Variants in NSMCE2 observed in about 807,000 individuals in gnomAD.
The protein encoded by NSMCE2 is NSE2 SUMO ligase component of SMC5/6 complex.
In NSMCE2, 24 loss-of-function variants were observed where a neutral mutation model predicts 23.8. The ratio of observed to expected loss-of-function variants is 1.01; its 90% CI spans 0.73 to 1.42. NSMCE2 has a LOEUF of 1.42. Among genes scored for constraint, NSMCE2 ranks in the 40% most tolerant of loss-of-function variants. The pLI, the probability that NSMCE2 is intolerant of heterozygous loss-of-function variation, is 0.00. For synonymous variants in NSMCE2, 92 were observed against 94.1 expected (o/e 0.98, Z 0.13); for missense variants, 284 against 296.5 (o/e 0.96, Z 0.31).
intron 5 of NSMCE2, among the ~76,000 whole-genome samples, chr8:125,193,971 A>C (rs1222272303): frequency 2.0e-5 from 3 of 152,158 alleles, no homozygotes; most frequent in Admixed American, 1.3e-4. Context: ...AGAAAGTGTT[A>C]GTGGTTCTTG....
chr8:125,183,438 A>T (rs1186596366), intron 5 of NSMCE2, among the ~76,000 whole-genome samples: 1 of 152,022 alleles, frequency 6.6e-6, no homozygotes, highest in Non-Finnish European at 1.5e-5. Flanking sequence ...AGCTCCCAAC[A>T]TTCTTCTAAT....
chr8:125,253,684 A>T (rs957294772), intron 5 of NSMCE2, among the ~76,000 whole-genome samples: 2 of 152,206 alleles, frequency 1.3e-5, no homozygotes, highest in East Asian at 3.8e-4. Context: ...ACTTATCTTT[A>T]TATGGAATTG....
chr8:125,331,086 G>A lies in NSMCE2; in HGVS notation c.419-26133G>A, dbSNP rs180732264. Among the ~76,000 whole-genome samples, 259 of 152,280 alleles carry A rather than the reference G, an allele frequency of 1.7e-3. 6 individuals carry two copies. The East Asian group carries it at 0.047, about 28-fold the overall frequency. ...GGAGGCTGAGGCAGGCGGATCACGAGGTCAAGAGATCGAGACCATCCTGGC... is the reference window on the plus strand; with the variant it reads ...GGAGGCTGAGGCAGGCGGATCACGAAGTCAAGAGATCGAGACCATCCTGGC... On this transcript the variant is annotated intron_variant, in intron 5 of 7. Coordinates refer to ENST00000287437, the MANE Select transcript of NSMCE2 (RefSeq NM_173685.4).
At position 125,178,912 on chromosome 8, in the gene NSMCE2, A is replaced by C. The variant is rs184947901; in HGVS notation, c.265-3191A>C. 7.3e-4 allele frequency among the ~76,000 whole-genome samples: 111 copies of C among 152,316 alleles called. 5 individuals carry two copies. In the East Asian group the frequency reaches 0.018, roughly 25 times the overall value. The stretch of plus-strand genomic sequence containing the variant: ...TCATTAAGTTAAAATGAGGTCAGTA[A>C]GTGGGCCTTAATCCAATATGACTGA... On this transcript the variant is annotated intron_variant, in intron 4 of 7. Transcript: ENST00000287437.
intron 3 of NSMCE2, among the ~76,000 whole-genome samples, chr8:125,116,709 G>A (rs1366616941): frequency 6.6e-6 from 1 of 152,088 alleles, no homozygotes; most frequent in African/African-American, 2.4e-5. Flanking sequence ...GATGTTACCT[G>A]TCATGGAGTC....
chr8:125,313,562 A>G (rs138589998), intron 5 of NSMCE2, among the ~76,000 whole-genome samples: 66 of 152,314 alleles, frequency 4.3e-4, no homozygotes, highest in African/African-American at 1.4e-3. Context: ...GGACCTCACG[A>G]CTTGCCAGCT....
rs151128277 is a variant in NSMCE2, at chr8:125,117,550, T to C, written c.157+15063T>C. On this transcript the variant is annotated intron_variant, in intron 3 of 7. Transcript: ENST00000287437. ...TATACCTTTTTTATTTTTATTTTATTTTTTTAAGAGATGGGGTCTTACTCT... is the reference window on the plus strand; with the variant it reads ...TATACCTTTTTTATTTTTATTTTATCTTTTTAAGAGATGGGGTCTTACTCT... Among the ~76,000 whole-genome samples the C allele has an allele frequency of 5.8e-3, 882 of 152,284 alleles. 6 individuals are homozygous for C. Among genetic ancestry groups the C allele is most frequent in the African/African-American group, 0.02 (841 of 41,558 alleles).
chr8:125,138,290 C>A (rs1385879596), intron 3 of NSMCE2, among the ~76,000 whole-genome samples: 2 of 152,176 alleles, frequency 1.3e-5, no homozygotes, highest in East Asian at 3.9e-4. Flanking sequence ...GTGGTATGAT[C>A]ATAGCTGACT....
rs377227797 is a variant in NSMCE2, at chr8:125,161,554, T to C, written c.264+10277T>C. On this transcript the variant is annotated intron_variant, in intron 4 of 7. Coordinates refer to ENST00000287437, the MANE Select transcript of NSMCE2 (RefSeq NM_173685.4). Reference sequence around the variant, plus strand: ...GGCTCACACCTGTAATTCCAGCACTTTGGGAGGCTGAGGCGGTTGGATCAT... The same window carrying C: ...GGCTCACACCTGTAATTCCAGCACTCTGGGAGGCTGAGGCGGTTGGATCAT... Among the ~76,000 whole-genome samples the C allele has an allele frequency of 2.6e-5, 4 of 152,222 alleles. No individual in the cohort carries two copies. In the East Asian group the frequency reaches 5.8e-4, roughly 22 times the overall value.
intron 5 of NSMCE2, among the ~76,000 whole-genome samples, chr8:125,204,175 G>A (rs1824006859): frequency 1.3e-5 from 2 of 152,192 alleles, no homozygotes; most frequent in Admixed American, 1.3e-4. Flanking sequence ...AATATTTCAT[G>A]ACAAATACTT....
intron 5 of NSMCE2, among the ~76,000 whole-genome samples, chr8:125,320,861 T>A (rs938429284): frequency 1.3e-5 from 2 of 152,212 alleles, no homozygotes; most frequent in Non-Finnish European, 2.9e-5. Flanking sequence ...GGCTCACAGT[T>A]CAGTGGGCTG....
intron 5 of NSMCE2, among the ~76,000 whole-genome samples, chr8:125,224,899 T>C (rs1021111329): frequency 2.6e-5 from 4 of 152,182 alleles, no homozygotes; most frequent in South Asian, 2.1e-4. Context: ...TCTTGTTGAT[T>C]GACTTTATTG....
intron 5 of NSMCE2, among the ~76,000 whole-genome samples, chr8:125,298,688 T>TTTTTTG (rs1563770260): frequency 1.6e-5 from 1 of 62,512 alleles, no homozygotes; most frequent in Non-Finnish European, 3.3e-5. Flanking sequence ...CATCTGTGGG[T>TTTTTTG]TTTTTTTTGT....
intron 5 of NSMCE2, among the ~76,000 whole-genome samples, chr8:125,349,482 C>G (rs957689667): frequency 3.3e-5 from 5 of 151,818 alleles, no homozygotes; most frequent in Admixed American, 3.3e-4. Flanking sequence ...GGCATGGTGA[C>G]TAATGCTTAC....
intron 5 of NSMCE2, among the ~76,000 whole-genome samples, chr8:125,202,669 T>C (rs1823936690): frequency 6.6e-6 from 1 of 152,246 alleles, no homozygotes; most frequent in African/African-American, 2.4e-5. Flanking sequence ...ATTAGTTACC[T>C]GATATTTTTG....
intron 5 of NSMCE2, among the ~76,000 whole-genome samples, chr8:125,327,994 T>C (rs1829739149): frequency 6.6e-6 from 1 of 152,182 alleles, no homozygotes; most frequent in Non-Finnish European, 1.5e-5. Context: ...TCAAGAACTA[T>C]CATAATTATG....
chr8:125,153,865 A>G (rs1821170817), intron 4 of NSMCE2, among the ~76,000 whole-genome samples: 1 of 152,198 alleles, frequency 6.6e-6, no homozygotes, highest in Non-Finnish European at 1.5e-5. Flanking sequence ...AGATGGAACA[A>G]AATCTTCTAA....
Position 125,303,275 on chromosome 8 carries a change from G to C in NSMCE2, c.419-53944G>C, listed in dbSNP as rs138141220. On this transcript the variant is annotated intron_variant, in intron 5 of 7. Transcript: ENST00000287437. ...AGTCTGCAAGATGTTGTTCTCAACTGAATGGACACACCCTAAGTCAAGTTG... is the reference window on the plus strand; with the variant it reads ...AGTCTGCAAGATGTTGTTCTCAACTCAATGGACACACCCTAAGTCAAGTTG... 9.2e-3 allele frequency among the ~76,000 whole-genome samples: 1,402 copies of C among 152,292 alleles called. 12 individuals carry two copies. Among genetic ancestry groups the C allele is most frequent in the Non-Finnish European group, 0.015 (1,023 of 68,020 alleles).
At chr8:125,168,769 T>TA (rs1159226100) in intron 4 of NSMCE2, among the ~76,000 whole-genome samples, 2 of 152,248 alleles carry the variant, frequency 1.3e-5, no homozygotes, top group African/African-American at 4.8e-5. Flanking sequence ...GCTTTCAGAC[T>TA]ATAGGTATAG....
Sources: gnomAD v4.1 joint callset for allele counts (sites outside exome capture counted in the v4.1 genomes callset) on GRCh38, gnomAD v4.1.1 for gene constraint, MANE v1.5 for transcripts, NCBI Gene and HGNC (gene_info 2026-07-23, HGNC 2026-07-21) for gene names.